Variants in MTMR10 observed in about 807,000 individuals in gnomAD.
MTMR10 encodes the protein myotubularin-related protein 10.
In MTMR10, 56 loss-of-function variants were observed where a neutral mutation model predicts 88.1. That is an observed-to-expected ratio of 0.64 (90% CI 0.51 to 0.79). The LOEUF is 0.79. MTMR10 is among the 30% of genes least tolerant of loss of function. The pLI is 0.00. For synonymous variants in MTMR10, 380 were observed against 340.9 expected, an observed-to-expected ratio of 1.11 and a Z score of -1.26; for missense variants, 883 against 924.7, an observed-to-expected ratio of 0.95 and a Z score of 0.58.
intron 15 of MTMR10, chr15:30,942,382 C>G (rs2063084973): frequency 2.6e-6 from 1 of 387,028 alleles, no homozygotes. Flanking sequence ...CTGGCCGATT[C>G]TATCAAGAAC....
At chr15:30,973,609 T>C (rs1200023839) in intron 5 of MTMR10, among the ~76,000 whole-genome samples, 2 of 152,106 alleles carry the variant, frequency 1.3e-5, no homozygotes, top group South Asian at 2.1e-4. Context: ...CCTATTCCCA[T>C]ACACACGCGC....
intron 12 of MTMR10, chr15:30,948,777 C>T: frequency 2.4e-6 from 1 of 413,476 alleles, no homozygotes; most frequent in South Asian, 2.8e-5. Context: ...CATTCTACTG[C>T]TCTTTTGTCA....
At chr15:30,925,400 G>A in the MTMR10 span, 16 of 1,094,160 alleles carry the variant, frequency 1.5e-5, no homozygotes, top group East Asian at 4.0e-4. Context: ...TTTAGACTCG[G>A]AATAATCTAA....
Position 30,943,088 on chromosome 15 carries a change from A to G in MTMR10, c.1549-16T>C. ...TAGCAAATTCCTGCAAAATAAATAA[A>G]TAAATATTTGCAAAACTAAAGATTC... On this transcript the variant is annotated splice_polypyrimidine_tract_variant and intron_variant, in intron 14 of 15. Coordinates refer to ENST00000435680, the MANE Select transcript of MTMR10 (RefSeq NM_017762.3). The G allele has an allele frequency of 6.5e-7, 1 of 1,529,716 alleles. No individual in the cohort carries two copies. The highest frequency in any genetic ancestry group is 8.8e-7 in the Non-Finnish European group (1 of 1,139,766). 94.8% of individuals were successfully genotyped at this position (1,529,716 alleles called of 1,614,324 possible). A position where few individuals can be genotyped will look rare whatever the true frequency, so the allele number is the denominator to read the frequency against.
downstream of MTMR10, among the ~76,000 whole-genome samples, chr15:30,937,656 T>A (rs1489362480): frequency 6.6e-6 from 1 of 151,670 alleles, no homozygotes; most frequent in East Asian, 2.0e-4. Flanking sequence ...TTCACCATGT[T>A]GGTTGGCCAG....
intron 9 of MTMR10, among the ~76,000 whole-genome samples, chr15:30,957,356 CTT>C (rs2063341556): frequency 6.6e-6 from 1 of 152,114 alleles, no homozygotes; most frequent in Non-Finnish European, 1.5e-5. Flanking sequence ...AGAACATAGA[CTT>C]TTGAGGTCTG....
At chr15:30,929,520 A>C in the MTMR10 span, 1 of 416,018 alleles carries the variant, frequency 2.4e-6, no homozygotes. Flanking sequence ...GTGTGTGCAT[A>C]TATATGATAT....
Position 30,939,677 on chromosome 15 carries a change from A to AAATT in MTMR10, c.*1789_*1792dup. 2.1e-6 allele frequency: 2 copies of AAATT among 954,090 alleles called. No homozygotes were observed. Among genetic ancestry groups the AAATT allele is most frequent in the African/African-American group, 3.5e-5 (2 of 56,632 alleles). The allele number at this position is 954,090 out of a possible 1,614,324, so 59.1% of individuals were successfully genotyped here. The stretch of plus-strand genomic sequence containing the variant: ...GAGTTAAAATAAACGTGAAGGAAGA[A>AAATT]AATTACAGAGGGAAAAATGCTCAAT... On this transcript the variant is annotated 3_prime_UTR_variant, in exon 16 of 16. Coordinates refer to ENST00000435680, the MANE Select transcript of MTMR10 (RefSeq NM_017762.3).
intron 2 of MTMR10, among the ~76,000 whole-genome samples, chr15:30,977,370 T>C (rs1269510865): frequency 1.3e-5 from 2 of 152,364 alleles, no homozygotes; most frequent in African/African-American, 4.8e-5. Context: ...TTTGATTCCT[T>C]TTGTAAGGAA....
chr15:30,944,050 A>G (rs923064576), intron 14 of MTMR10: 2 of 971,958 alleles, frequency 2.1e-6, no homozygotes, highest in Non-Finnish European at 2.4e-6. Context: ...ATTTATTTGG[A>G]AATTATTAAA....
chr15:30,943,382 T>C (rs2063115105), intron 14 of MTMR10: 1 of 984,786 alleles, frequency 1.0e-6, no homozygotes, highest in African/African-American at 1.7e-5. Context: ...TAGAAAGTCT[T>C]AAACATGTTG....
At chr15:30,929,787 TATATA>T in the MTMR10 span, among the ~76,000 whole-genome samples, 83 of 49,648 alleles carry the variant, frequency 1.7e-3, 11 homozygotes, top group East Asian at 0.012. Flanking sequence ...TATTATATCA[TATATA>T]ATATAATATA....
intron 15 of MTMR10, chr15:30,942,275 G>C: frequency 1.5e-6 from 1 of 658,156 alleles, no homozygotes. Context: ...TACCTAGGCT[G>C]TTACTATCAG....
At chr15:30,957,359 T>G (rs2063341599) in intron 9 of MTMR10, among the ~76,000 whole-genome samples, 1 of 152,132 alleles carries the variant, frequency 6.6e-6, no homozygotes, top group East Asian at 1.9e-4. Context: ...ACATAGACTT[T>G]TGAGGTCTGA....
intron 1 of MTMR10, 46 bp from the exon 2 acceptor site, chr15:30,990,883 C>T (rs1265923069): frequency 1.3e-6 from 2 of 1,489,084 alleles, no homozygotes; most frequent in Non-Finnish European, 1.8e-6. Context: ...TCCCCCCACC[C>T]TCCGTAAAAT....
intron 14 of MTMR10, chr15:30,943,309 C>A (rs2063112578): frequency 1.0e-6 from 1 of 985,190 alleles, no homozygotes; most frequent in Admixed American, 6.2e-5. Flanking sequence ...CTTAGGACCC[C>A]AAGGAAGCCG....
chr15:30,986,031 AG>A (rs1377027491), intron 2 of MTMR10, among the ~76,000 whole-genome samples: 1 of 152,122 alleles, frequency 6.6e-6, no homozygotes, highest in Non-Finnish European at 1.5e-5. Flanking sequence ...GGATGGTGGA[AG>A]GGGGCTGGGT....
rs2031336270 is a variant in MTMR10, at chr15:30,991,564, C to T, written c.-58G>A. 2.0e-6 allele frequency: 3 copies of T among 1,521,214 alleles called. No individual in the cohort carries two copies. The highest frequency in any genetic ancestry group is 1.7e-6 in the Non-Finnish European group (2 of 1,143,082). The allele number at this position is 1,521,214 out of a possible 1,614,324, so 94.2% of individuals were successfully genotyped here. A position where few individuals can be genotyped will look rare whatever the true frequency, so the allele number is the denominator to read the frequency against. On this transcript the variant is annotated 5_prime_UTR_variant, in exon 1 of 16. Transcript: ENST00000435680. ...CGGGCCAGTGGCAGCGCCGACGCCT[C>T]CGGGCGTAAAGCTCTCAGTGCGGCC...
intron 10 of MTMR10, 108 bp from the exon 11 acceptor site, chr15:30,953,739 A>G (rs1276213161): frequency 1.5e-6 from 1 of 681,802 alleles, no homozygotes; most frequent in African/African-American, 1.8e-5. Context: ...CTTTAAGTAA[A>G]TATCATGCAT....
Sources: allele counts gnomAD v4.1 joint callset (sites outside exome capture counted in the v4.1 genomes callset), GRCh38; gene constraint gnomAD v4.1.1; transcripts MANE v1.5; gene names NCBI Gene and HGNC (gene_info 2026-07-23, HGNC 2026-07-21).